Variants in ERCC6L observed in about 807,000 individuals in gnomAD.
ERCC6L encodes ERCC excision repair 6 like, spindle assembly checkpoint helicase, also known as DNA excision repair protein ERCC-6-like.
In ERCC6L, 7 loss-of-function variants were observed where a neutral mutation model predicts 20.1. The observed-to-expected ratio is 0.35, with a 90% CI of 0.20 to 0.65. The LOEUF is 0.65. Among genes scored for constraint, ERCC6L ranks in the 30% least tolerant of loss-of-function variants. The pLI is 0.69. For synonymous variants in ERCC6L, 278 were observed against 331.3 expected, an observed-to-expected ratio of 0.84 and a Z score of 1.75; for missense variants, 592 against 892.4, an observed-to-expected ratio of 0.66 and a Z score of 4.29.
chrX:72,206,635 T>G lies in ERCC6L; in HGVS notation c.2132A>C (p.Glu711Ala), dbSNP rs1474602140. Residue 711 changes from glutamate (E) to alanine (A), a missense_variant, in exon 2 of 2, where the codon GAG becomes GCG. Physicochemically the swap from Glu to Ala is moderately radical, Grantham distance 107 (BLOSUM62 -1). This residue lies in a region of ERCC6L where 352 missense variants were observed against 402.6 expected (regional missense o/e 0.87). Coordinates refer to ENST00000334463, the MANE Select transcript of ERCC6L (RefSeq NM_017669.4). ...VQKAQFLVEF[E>A]SQNKEFLMEQ... ...CATCAGGAACTCTTTATTTTGAGAC[T>G]CGAATTCAACGAGGAATTGAGCTTT... 8.3e-7 allele frequency: 1 copy of G among 1,211,486 alleles called. No homozygotes were observed.
chrX:72,207,870 C>T lies in ERCC6L; in HGVS notation c.897G>A (p.Glu299=). 1 of 1,209,228 alleles carries T rather than the reference C, an allele frequency of 8.3e-7. No individual in the cohort carries two copies. Among genetic ancestry groups the T allele is most frequent in the Non-Finnish European group, 1.1e-6 (1 of 894,567 alleles). ...EYENPITRAR[E]KDATPGEKAL... The stretch of plus-strand genomic sequence containing the variant: ...CTTTTTCTCCTGGGGTAGCATCCTT[C>T]TCTCTTGCTCTAGTAATAGGATTTT... The change falls in exon 2 of 2, where the codon GAG becomes GAA. Residue 299 remains glutamate (E), a synonymous_variant. Transcript: ENST00000334463.
rs188909838 is a variant in ERCC6L at position 72,238,769 on chromosome X, G to A, written c.68+75C>T. 2.5e-4 allele frequency: 256 copies of A among 1,004,455 alleles called. 2 individuals carry two copies. In the African/African-American group the frequency reaches 4.0e-3, roughly 16 times the overall value. The allele number at this position is 1,004,455 out of a possible 1,213,427, so 82.8% of individuals were successfully genotyped here. On this transcript the variant is annotated intron_variant, in intron 1 of 1. Transcript: ENST00000334463. ...CCGCCTCAACAGTTCGGGTCCCCAG[G>A]AGGATCCGGGGGCCACCCCACCTCC...
At chrX:72,233,987 T>A (rs1314746883) in intron 1 of ERCC6L, among the ~76,000 whole-genome samples, 1 of 109,066 alleles carries the variant, frequency 9.2e-6, no homozygotes, top group Non-Finnish European at 1.9e-5. Context: ...AGCAGGTGCC[T>A]GTAATCCCAG....
At chrX:72,224,045 C>T (rs953279452) in intron 1 of ERCC6L, among the ~76,000 whole-genome samples, 3 of 111,338 alleles carry the variant, frequency 2.7e-5, no homozygotes, top group African/African-American at 6.5e-5. Context: ...GTACTGACAA[C>T]GGAAGACTGA....
intron 1 of ERCC6L, among the ~76,000 whole-genome samples, chrX:72,232,272 T>C (rs1248073959): frequency 1.5e-5 from 1 of 65,155 alleles, no homozygotes; most frequent in East Asian, 6.3e-4. Flanking sequence ...GGAAGGAGTA[T>C]TAAAAAAAAA....
intron 1 of ERCC6L, among the ~76,000 whole-genome samples, chrX:72,228,353 A>G (rs190065464): frequency 9.0e-4 from 101 of 111,827 alleles, no homozygotes; most frequent in African/African-American, 3.2e-3. Context: ...TTACCAAATC[A>G]TTCTTACCAT....
chrX:72,238,920 G>A lies in ERCC6L; in HGVS notation c.-9C>T, dbSNP rs781240415. ...CTTCGGGATGCCTCCATGACCCTCGGATTGGGTTCCAGTTACCCCGGCGGG... is the reference window on the plus strand; with the variant it reads ...CTTCGGGATGCCTCCATGACCCTCGAATTGGGTTCCAGTTACCCCGGCGGG... On this transcript the variant is annotated 5_prime_UTR_variant, in exon 1 of 2. Coordinates refer to ENST00000334463, the MANE Select transcript of ERCC6L (RefSeq NM_017669.4). 1.7e-6 allele frequency: 2 copies of A among 1,187,394 alleles called. No individual in the cohort carries two copies. Among genetic ancestry groups the A allele is most frequent in the South Asian group, 3.7e-5 (2 of 53,951 alleles).
chrX:72,215,346 A>C (rs760332600), intron 1 of ERCC6L, among the ~76,000 whole-genome samples: 1 of 111,795 alleles, frequency 8.9e-6, no homozygotes, highest in Non-Finnish European at 1.9e-5. Flanking sequence ...CCAAATGTAC[A>C]CTTAAGATTT....
chrX:72,231,583 CCT>C (rs766039909), intron 1 of ERCC6L, among the ~76,000 whole-genome samples: 18 of 109,741 alleles, frequency 1.6e-4, no homozygotes, highest in Non-Finnish European at 2.7e-4. Context: ...ACAGGGTCTC[CCT>C]CTGTCACCCA....
chrX:72,238,093 G>T (rs751261903), intron 1 of ERCC6L: 1 of 111,670 alleles, frequency 9.0e-6, no homozygotes, highest in Admixed American at 9.6e-5. Context: ...GATGACGGAC[G>T]GCTGCACAAC....
Position 72,205,950 on chromosome X carries a change from T to C in ERCC6L, c.2817A>G (p.Glu939=). 8.3e-7 allele frequency: 1 copy of C among 1,211,594 alleles called. No individual in the cohort carries two copies. ...GTGGTGAAGATGCTGAAGGTTCCTC[T>C]TCCAACTTGGCCTCACTTGCTTGAG... is the stretch of plus-strand genomic sequence containing the variant. ...QDAQASEAKL[E]EEPSASSPQY... The change falls in exon 2 of 2, where the codon GAA becomes GAG. Residue 939 remains glutamate, a synonymous_variant. Transcript: ENST00000334463.
chrX:72,227,713 C>T (rs1478647104), intron 1 of ERCC6L, among the ~76,000 whole-genome samples: 1 of 111,432 alleles, frequency 9.0e-6, no homozygotes, highest in Non-Finnish European at 1.9e-5. Flanking sequence ...CCCAGTCCTA[C>T]CCCCAATTCC....
chrX:72,212,256 C>T (rs950699674), intron 1 of ERCC6L, among the ~76,000 whole-genome samples: 4 of 109,936 alleles, frequency 3.6e-5, no homozygotes, highest in Non-Finnish European at 5.7e-5. Context: ...TGCACCACAG[C>T]GAGACCCCAT....
In ERCC6L at chrX:72,206,117, G is replaced by T. The variant is rs761121796; in HGVS notation, c.2650C>A (p.Leu884Ile). The T allele has an allele frequency of 8.3e-7, 1 of 1,211,629 alleles. No individual in the cohort carries two copies. The highest frequency in any genetic ancestry group is 1.1e-6 in the Non-Finnish European group (1 of 895,421). Residue 884 changes from leucine (L) to isoleucine (I), a missense_variant, in exon 2 of 2, where the codon CTA becomes ATA. Around this residue, in one of 3 missense-constraint regions of ERCC6L, gnomAD observed 352 missense variants for 402.6 expected, o/e 0.87. Coordinates refer to ENST00000334463, the MANE Select transcript of ERCC6L (RefSeq NM_017669.4). Reference protein sequence around the residue: ...KADIGPNLDQLKDDEILRHCN... With the variant: ...KADIGPNLDQIKDDEILRHCN... ...TGACGTAAAATCTCATCATCCTTTA[G>T]TTGATCTAAATTTGGCCCAATATCA...
chrX:72,213,576 C>T (rs748908360), intron 1 of ERCC6L, among the ~76,000 whole-genome samples: 1 of 112,158 alleles, frequency 8.9e-6, no homozygotes, highest in African/African-American at 3.2e-5. Flanking sequence ...GCAGACCCAT[C>T]GCTGACTTCC....
chrX:72,227,182 T>C (rs1331298471), intron 1 of ERCC6L, among the ~76,000 whole-genome samples: 1 of 111,773 alleles, frequency 8.9e-6, no homozygotes, highest in African/African-American at 3.3e-5. Context: ...AACCAACAAA[T>C]GGGCTTCTAC....
At chrX:72,225,459 T>C (rs193104866) in intron 1 of ERCC6L, among the ~76,000 whole-genome samples, 46 of 111,923 alleles carry the variant, frequency 4.1e-4, no homozygotes, top group African/African-American at 1.5e-3. Context: ...GTACCAGGTG[T>C]CCAAAAAGAA....
At chrX:72,231,640 G>A (rs1238390349) in intron 1 of ERCC6L, among the ~76,000 whole-genome samples, 9 of 110,039 alleles carry the variant, frequency 8.2e-5, no homozygotes, top group African/African-American at 3.0e-4. Context: ...TGCAGCCTCC[G>A]CCTCCTGGGT....
chrX:72,231,554 G>A (rs1360953892), intron 1 of ERCC6L, among the ~76,000 whole-genome samples: 1 of 110,338 alleles, frequency 9.1e-6, no homozygotes, highest in Non-Finnish European at 1.9e-5. Context: ...CTAAAAGAAT[G>A]AACTTTTTTT....
Sources: allele counts gnomAD v4.1 joint callset (sites outside exome capture counted in the v4.1 genomes callset), GRCh38; gene constraint gnomAD v4.1.1; regional missense constraint gnomAD v4.1.1; transcripts MANE v1.5; gene names NCBI Gene and HGNC (gene_info 2026-07-23, HGNC 2026-07-21).